Variants in GPR39 observed in about 807,000 individuals in gnomAD.
GPR39 encodes the protein G protein-coupled receptor 39, also known as zinc sensing receptor.
In GPR39, 23 loss-of-function variants were observed where a neutral mutation model predicts 18.4. The ratio of observed to expected loss-of-function variants is 1.25; its 90% confidence interval spans 0.90 to 1.77. GPR39 has a LOEUF of 1.77. GPR39 is among the 40% of genes most tolerant of loss of function. The probability of loss-of-function intolerance (pLI) is 0.00; values close to 1 mark genes in which losing one functional copy is unlikely to be tolerated. For synonymous variants in GPR39, 280 were observed against 257.9 expected (o/e 1.09, Z -0.82); for missense variants, 647 against 602.4 (o/e 1.07, Z -0.78).
chr2:132,602,360 A>C (rs921972768), intron 1 of GPR39, among the ~76,000 whole-genome samples: 1 of 152,294 alleles, frequency 6.6e-6, no homozygotes. Flanking sequence ...CTAGGCTCTT[A>C]TCTCCTACCA....
intron 1 of GPR39, among the ~76,000 whole-genome samples, chr2:132,590,885 G>A (rs1319181762): frequency 6.6e-6 from 1 of 151,472 alleles, no homozygotes; most frequent in African/African-American, 2.4e-5. Context: ...TGAATTGGTG[G>A]ACTGGGAGAG....
At chr2:132,608,598 G>A (rs1681182608) in intron 1 of GPR39, among the ~76,000 whole-genome samples, 2 of 152,236 alleles carry the variant, frequency 1.3e-5, no homozygotes, top group South Asian at 4.1e-4. Context: ...TGCTAAGCAG[G>A]TACAGATGCC....
At chr2:132,621,613 G>A (rs537083556) in intron 1 of GPR39, among the ~76,000 whole-genome samples, 1 of 152,254 alleles carries the variant, frequency 6.6e-6, no homozygotes, top group South Asian at 2.1e-4. Flanking sequence ...TTGTCAAGTT[G>A]CCATTTTGAG....
chr2:132,559,953 G>T (rs917974975), intron 1 of GPR39, among the ~76,000 whole-genome samples: 1 of 152,078 alleles, frequency 6.6e-6, no homozygotes, highest in Non-Finnish European at 1.5e-5. Flanking sequence ...TAAAAATGGG[G>T]GCTGGGTGGA....
At chr2:132,471,435 C>T (rs1293923161) in intron 1 of GPR39, among the ~76,000 whole-genome samples, 2 of 152,134 alleles carry the variant, frequency 1.3e-5, no homozygotes, top group African/African-American at 4.8e-5. Context: ...GTCGGTGCAA[C>T]CTCTCTAGGA....
At chr2:132,538,111 G>A (rs1017850554) in intron 1 of GPR39, among the ~76,000 whole-genome samples, 3 of 152,024 alleles carry the variant, frequency 2.0e-5, no homozygotes, top group African/African-American at 7.2e-5. Flanking sequence ...GCAGTCATTC[G>A]GAGGAGAAGA....
At chr2:132,480,532 C>T (rs1230463631) in intron 1 of GPR39, among the ~76,000 whole-genome samples, 2 of 152,084 alleles carry the variant, frequency 1.3e-5, no homozygotes, top group Non-Finnish European at 2.9e-5. Flanking sequence ...TTGCCCTAGG[C>T]TTGATGAGAT....
chr2:132,521,005 A>T (rs1333389367), intron 1 of GPR39, among the ~76,000 whole-genome samples: 1 of 152,236 alleles, frequency 6.6e-6, no homozygotes, highest in African/African-American at 2.4e-5. Context: ...TTCCCATCTA[A>T]CAAGAAGCCT....
At chr2:132,620,666 A>T (rs1333516306) in intron 1 of GPR39, among the ~76,000 whole-genome samples, 1 of 152,088 alleles carries the variant, frequency 6.6e-6, no homozygotes, top group African/African-American at 2.4e-5. Flanking sequence ...TTGCCCAGAC[A>T]CTTCCCCTCG....
rs1680763629 is a variant in GPR39, at chr2:132,458,020, T to C, written c.856+40122T>C. Reference sequence around the variant, plus strand: ...AGTATTTGGGTGGAAGTGTCCTGTTTTTCCAGGTAGTCTGTCACGGCTTCC... The same window carrying C: ...AGTATTTGGGTGGAAGTGTCCTGTTCTTCCAGGTAGTCTGTCACGGCTTCC... On this transcript the variant is annotated intron_variant, in intron 1 of 1. Coordinates refer to ENST00000329321, the MANE Select transcript of GPR39 (RefSeq NM_001508.3). 1.3e-5 allele frequency among the ~76,000 whole-genome samples: 2 copies of C among 152,230 alleles called. 1 individual carries two copies. The highest frequency in any genetic ancestry group is 4.1e-4 in the South Asian group (2 of 4,836).
At chr2:132,460,899 G>A (rs1191888075) in intron 1 of GPR39, among the ~76,000 whole-genome samples, 1 of 152,188 alleles carries the variant, frequency 6.6e-6, no homozygotes, top group East Asian at 1.9e-4. Flanking sequence ...GTATGGGTCA[G>A]CAAAGCCGAG....
chr2:132,533,992 G>T (rs1223256186), intron 1 of GPR39, among the ~76,000 whole-genome samples: 1 of 152,144 alleles, frequency 6.6e-6, no homozygotes, highest in Admixed American at 6.5e-5. Context: ...ATTGACAGAT[G>T]GGATCTAATT....
In GPR39 at chr2:132,418,636, C is replaced by T. The variant is rs116124827; in HGVS notation, c.856+738C>T. On this transcript the variant is annotated intron_variant, in intron 1 of 1. Coordinates refer to ENST00000329321, the MANE Select transcript of GPR39 (RefSeq NM_001508.3). ...AGACCCAATTCTTATGCTTGTTTTC[C>T]AAACTTTTGTTGTGATACAAGTATT... 3.1e-3 allele frequency: 473 copies of T among 152,240 alleles called. 3 individuals carry two copies. The highest frequency in any genetic ancestry group is 0.011 in the African/African-American group (447 of 41,548). The allele number at this position is 152,240 out of a possible 1,614,324, so 9.4% of individuals were successfully genotyped here. A position where few individuals can be genotyped will look rare whatever the true frequency, so the allele number is the denominator to read the frequency against.
At chr2:132,529,289 G>C (rs576135462) in intron 1 of GPR39, among the ~76,000 whole-genome samples, 1 of 152,170 alleles carries the variant, frequency 6.6e-6, no homozygotes, top group Non-Finnish European at 1.5e-5. Flanking sequence ...ACTGCAAGGC[G>C]GCAGCGAGGC....
At chr2:132,590,217 C>T (rs1440457910) in intron 1 of GPR39, among the ~76,000 whole-genome samples, 1 of 152,140 alleles carries the variant, frequency 6.6e-6, no homozygotes, top group East Asian at 1.9e-4. Flanking sequence ...TTTTGGATTT[C>T]ACTGCTAGCA....
chr2:132,462,134 C>T (rs1680843513), intron 1 of GPR39, among the ~76,000 whole-genome samples: 1 of 152,162 alleles, frequency 6.6e-6, no homozygotes, highest in African/African-American at 2.4e-5. Context: ...ATATATAATA[C>T]CCAACACTGG....
chr2:132,432,485 C>T (rs931329212), intron 1 of GPR39, among the ~76,000 whole-genome samples: 5 of 152,196 alleles, frequency 3.3e-5, no homozygotes, highest in Non-Finnish European at 7.3e-5. Flanking sequence ...CTCCCTCTGC[C>T]TCCCTCTTCT....
At chr2:132,532,420 G>T (rs2104776943) in intron 1 of GPR39, among the ~76,000 whole-genome samples, 1 of 152,272 alleles carries the variant, frequency 6.6e-6, no homozygotes, top group Non-Finnish European at 1.5e-5. Context: ...AGAGGTACAA[G>T]GAGGAAGTGG....
intron 1 of GPR39, among the ~76,000 whole-genome samples, chr2:132,590,113 G>T (rs1436603032): frequency 6.6e-6 from 1 of 152,062 alleles, no homozygotes; most frequent in Non-Finnish European, 1.5e-5. Flanking sequence ...ACTGAGTTTG[G>T]CCAAAACCAA....
Sources: allele counts gnomAD v4.1 joint callset (sites outside exome capture counted in the v4.1 genomes callset), GRCh38; gene constraint gnomAD v4.1.1; transcripts MANE v1.5; gene names NCBI Gene and HGNC (gene_info 2026-07-23, HGNC 2026-07-21).